The following KCNH5 variants were observed in gnomAD, a reference collection of about 807,000 sequenced individuals.
The protein encoded by KCNH5 is voltage-gated delayed rectifier potassium channel KCNH5.
KCNH5 carries 46 observed loss-of-function variants against 96.1 expected under a neutral mutation model. That is an observed-to-expected ratio of 0.48 (90% CI 0.38 to 0.61). The LOEUF (loss-of-function observed/expected upper bound fraction) is 0.61, where lower values mean the gene tolerates loss of function less well. Ranked by LOEUF, KCNH5 falls within the 20% of genes least tolerant of loss-of-function variation. The pLI is 0.00. For synonymous variants in KCNH5, 439 were observed against 449.8 expected, an observed-to-expected ratio of 0.98 and a Z score of 0.30; for missense variants, 907 against 1,225.8, an observed-to-expected ratio of 0.74 and a Z score of 3.88.
chr14:63,026,196 C>T (rs1287355487), intron 1 of KCNH5, among the ~76,000 whole-genome samples: 2 of 151,900 alleles, frequency 1.3e-5, no homozygotes, highest in Non-Finnish European at 2.9e-5. Context: ...CATCTCACAC[C>T]ATATATACAA....
chr14:62,887,344 T>C (rs539690946), intron 7 of KCNH5, among the ~76,000 whole-genome samples: 79 of 152,266 alleles, frequency 5.2e-4, no homozygotes, highest in African/African-American at 1.8e-3. Context: ...TAATGATAAA[T>C]GAAGACAGCC....
intron 7 of KCNH5, among the ~76,000 whole-genome samples, chr14:62,907,719 G>A (rs1040878491): frequency 6.6e-6 from 1 of 152,170 alleles, no homozygotes; most frequent in Non-Finnish European, 1.5e-5. Flanking sequence ...GTCATTCCCT[G>A]TGCACTCATG....
intron 7 of KCNH5, among the ~76,000 whole-genome samples, chr14:62,862,710 T>C (rs1355775548): frequency 6.6e-6 from 1 of 152,194 alleles, no homozygotes; most frequent in Non-Finnish European, 1.5e-5. Flanking sequence ...GTCTGGGTTG[T>C]ACTGAGGGAC....
chr14:62,742,638 A>G (rs2139936296), intron 10 of KCNH5, among the ~76,000 whole-genome samples: 1 of 152,310 alleles, frequency 6.6e-6, no homozygotes, highest in African/African-American at 2.4e-5. Context: ...ACACGTCTTT[A>G]ACATCATATA....
rs192053743 is a variant in KCNH5, at chr14:62,986,201, C to G, written c.549+871G>C. ...GCAGGAGTTTTTAATCATTTTGTGC[C>G]TTGGATCCCTATGGCAATCTGGTAA... On this transcript the variant is annotated intron_variant, in intron 5 of 10. Coordinates refer to ENST00000322893, the MANE Select transcript of KCNH5 (RefSeq NM_139318.5). 1.1e-3 allele frequency among the ~76,000 whole-genome samples: 166 copies of G among 152,278 alleles called. 1 individual carries two copies. The highest frequency in any genetic ancestry group is 4.0e-3 in the African/African-American group (165 of 41,566).
At chr14:62,824,039 C>G (rs1887167979) in intron 8 of KCNH5, among the ~76,000 whole-genome samples, 1 of 151,650 alleles carries the variant, frequency 6.6e-6, no homozygotes, top group South Asian at 2.1e-4. Context: ...CTGAAAACAT[C>G]AAACATACAG....
At chr14:62,791,817 A>G (rs1235445123) in intron 9 of KCNH5, among the ~76,000 whole-genome samples, 1 of 151,742 alleles carries the variant, frequency 6.6e-6, no homozygotes, top group African/African-American at 2.4e-5. Flanking sequence ...TAGAGATGCA[A>G]TAACAGCACA....
At chr14:62,827,909 C>A (rs918625844) in intron 8 of KCNH5, among the ~76,000 whole-genome samples, 2 of 152,058 alleles carry the variant, frequency 1.3e-5, no homozygotes, top group African/African-American at 4.8e-5. Flanking sequence ...TTACACATGT[C>A]TTCTCTATTA....
chr14:62,843,971 A>AT (rs1887641640), intron 8 of KCNH5, among the ~76,000 whole-genome samples: 1 of 152,178 alleles, frequency 6.6e-6, no homozygotes, highest in Admixed American at 6.5e-5. Flanking sequence ...ACTTGTAAAA[A>AT]ATATATATAT....
chr14:62,948,722 A>G (rs559564125), intron 7 of KCNH5, among the ~76,000 whole-genome samples: 6 of 151,206 alleles, frequency 4.0e-5, no homozygotes, highest in Non-Finnish European at 7.4e-5. Context: ...AGAATTTTAG[A>G]CCAATATCCT....
intron 7 of KCNH5, among the ~76,000 whole-genome samples, chr14:62,919,959 T>C (rs2140107513): frequency 6.6e-6 from 1 of 152,300 alleles, no homozygotes; most frequent in South Asian, 2.1e-4. Context: ...TGTCCAATTC[T>C]GGCAAGGTGA....
intron 8 of KCNH5, among the ~76,000 whole-genome samples, chr14:62,835,959 T>A (rs1352270169): frequency 6.6e-6 from 1 of 152,046 alleles, no homozygotes; most frequent in Admixed American, 6.6e-5. Context: ...AAATTTAATA[T>A]CAGGAATATT....
Position 62,914,519 on chromosome 14 carries a change from C to G in KCNH5, c.1369+35614G>C, listed in dbSNP as rs573280330. Among the ~76,000 whole-genome samples, 4 of 152,284 alleles carry G rather than the reference C, an allele frequency of 2.6e-5. No homozygotes were observed. The South Asian group carries it at 8.3e-4, about 32-fold the overall frequency. On this transcript the variant is annotated intron_variant, in intron 7 of 10. Transcript: ENST00000322893. ...AATCATTTTTTATAAATGATCAGCA[C>G]TGTTAATTTCCTAGGAATTTTCCAC... is the stretch of plus-strand genomic sequence containing the variant.
intron 10 of KCNH5, among the ~76,000 whole-genome samples, chr14:62,749,657 G>C (rs1417868258): frequency 6.6e-6 from 1 of 152,154 alleles, no homozygotes. Context: ...GTTAAGAAAG[G>C]ACTTTCATCC....
intron 6 of KCNH5, among the ~76,000 whole-genome samples, chr14:62,979,693 CTT>C (rs1442628349): frequency 1.3e-5 from 2 of 152,000 alleles, no homozygotes; most frequent in Non-Finnish European, 2.9e-5. Context: ...TATATTGACT[CTT>C]CTATATATTA....
chr14:62,754,251 G>T (rs563174064), intron 10 of KCNH5, among the ~76,000 whole-genome samples: 32 of 151,656 alleles, frequency 2.1e-4, no homozygotes, highest in African/African-American at 6.5e-4. Flanking sequence ...ACATTCAGCA[G>T]ATACAAAACA....
chr14:62,896,960 T>G (rs1367708191), intron 7 of KCNH5, among the ~76,000 whole-genome samples: 2 of 152,162 alleles, frequency 1.3e-5, no homozygotes, highest in African/African-American at 4.8e-5. Flanking sequence ...ATATGAGGAA[T>G]ATACATAACA....
chr14:62,946,728 C>A (rs1444786890), intron 7 of KCNH5, among the ~76,000 whole-genome samples: 1 of 151,972 alleles, frequency 6.6e-6, no homozygotes, highest in Non-Finnish European at 1.5e-5. Flanking sequence ...CCATGAACTA[C>A]TACTCAGCAA....
chr14:62,896,396 C>A (rs1333737588), intron 7 of KCNH5, among the ~76,000 whole-genome samples: 12 of 152,132 alleles, frequency 7.9e-5, no homozygotes, highest in Non-Finnish European at 1.5e-4. Context: ...AAGATGGAGG[C>A]CTACTATTGG....
Sources: allele counts gnomAD v4.1 joint callset (sites outside exome capture counted in the v4.1 genomes callset), GRCh38; gene constraint gnomAD v4.1.1; transcripts MANE v1.5; gene names NCBI Gene and HGNC (gene_info 2026-07-23, HGNC 2026-07-21).